Variants in TMEM163 observed in about 807,000 individuals in gnomAD.
The protein encoded by TMEM163 is transmembrane protein 163.
Under a neutral mutation model 29.3 loss-of-function variants are expected in TMEM163, and 17 were observed. The observed-to-expected ratio is 0.58, with a 90% confidence interval of 0.40 to 0.87. The LOEUF is 0.87. TMEM163 is among the 40% of genes least tolerant of loss of function. TMEM163 has a pLI of 0.00. For synonymous variants in TMEM163, 157 were observed against 160.6 expected, an observed-to-expected ratio of 0.98 and a Z score of 0.17; for missense variants, 303 against 381.5, an observed-to-expected ratio of 0.79 and a Z score of 1.71.
intron 4 of TMEM163, among the ~76,000 whole-genome samples, chr2:134,544,269 T>C (rs1373195134): frequency 1.3e-5 from 2 of 152,178 alleles, no homozygotes; most frequent in Non-Finnish European, 2.9e-5. Flanking sequence ...CATTCGGCCC[T>C]GCCAAGTTCC....
At chr2:134,502,367 T>A (rs1558924986) in intron 5 of TMEM163, among the ~76,000 whole-genome samples, 1 of 152,164 alleles carries the variant, frequency 6.6e-6, no homozygotes, top group Non-Finnish European at 1.5e-5. Flanking sequence ...GGAAAAAGAA[T>A]CAGAGTGCCG....
intron 2 of TMEM163, among the ~76,000 whole-genome samples, chr2:134,645,324 T>C (rs1443678764): frequency 6.6e-6 from 1 of 152,236 alleles, no homozygotes; most frequent in Non-Finnish European, 1.5e-5. Flanking sequence ...GCAGCTCTAC[T>C]GTGCCCAGGT....
rs56291030 is a variant in TMEM163, at chr2:134,521,003, C to CTTT, written c.459-18009_459-18007dup. On this transcript the variant is annotated intron_variant, in intron 4 of 7. Coordinates refer to ENST00000281924, the MANE Select transcript of TMEM163 (RefSeq NM_030923.5). ...CCTTATGAAGCAAGGGCCTTGGGAACTTTTTTTTTTTTTGAGAGGCAGCCT... is the reference window on the plus strand; with the variant it reads ...CCTTATGAAGCAAGGGCCTTGGGAACTTTTTTTTTTTTTTTTGAGAGGCAGCCT... 9.9e-3 allele frequency among the ~76,000 whole-genome samples: 1,452 copies of CTTT among 146,408 alleles called. 17 individuals are homozygous for CTTT. Among genetic ancestry groups the CTTT allele is most frequent in the Middle Eastern group, 0.035 (10 of 286 alleles).
chr2:134,602,851 T>C (rs2321864), intron 2 of TMEM163, among the ~76,000 whole-genome samples: 125,260 of 151,898 alleles, frequency 0.82, 52,984 homozygotes, highest in African/African-American at 0.96. Context: ...CTCCCGTCCC[T>C]CCTTCTCCCT....
At chr2:134,677,884 G>A (rs761351636) in intron 2 of TMEM163, among the ~76,000 whole-genome samples, 4 of 152,124 alleles carry the variant, frequency 2.6e-5, no homozygotes, top group Non-Finnish European at 2.9e-5. Flanking sequence ...ACATAGGACC[G>A]ACCTAATGAG....
intron 7 of TMEM163, 115 bp downstream of exon 7, chr2:134,457,917 G>A (rs1285227980): frequency 3.3e-6 from 5 of 1,517,206 alleles, no homozygotes; most frequent in Admixed American, 1.8e-5. Flanking sequence ...GCTCAGGAGG[G>A]GCACAGGTAC....
At chr2:134,615,339 G>T (rs1384429744) in intron 2 of TMEM163, among the ~76,000 whole-genome samples, 5 of 152,228 alleles carry the variant, frequency 3.3e-5, no homozygotes, top group Non-Finnish European at 7.3e-5. Flanking sequence ...AATCATTAAT[G>T]CTTTACAAAT....
chr2:134,601,454 G>A (rs927024240), intron 2 of TMEM163, among the ~76,000 whole-genome samples: 15 of 152,204 alleles, frequency 9.9e-5, no homozygotes, highest in African/African-American at 3.1e-4. Flanking sequence ...CCGGAGCCCC[G>A]GAAGCCAGTG....
Position 134,463,739 on chromosome 2 carries a change from G to A in TMEM163, c.667+2375C>T, listed in dbSNP as rs577879745. On this transcript the variant is annotated intron_variant, in intron 6 of 7. Transcript: ENST00000281924. Reference sequence around the variant, plus strand: ...AGGGCAGGATGCCTCACAGCAATAAGGCAGAAACTGGAAAGGGAGGCTCAG... The same window carrying A: ...AGGGCAGGATGCCTCACAGCAATAAAGCAGAAACTGGAAAGGGAGGCTCAG... 4.0e-4 allele frequency among the ~76,000 whole-genome samples: 61 copies of A among 152,350 alleles called. No homozygotes were observed. In the South Asian group the frequency reaches 9.7e-3, roughly 24 times the overall value.
chr2:134,477,581 T>C (rs908226506), intron 5 of TMEM163, among the ~76,000 whole-genome samples: 1 of 152,246 alleles, frequency 6.6e-6, no homozygotes, highest in Non-Finnish European at 1.5e-5. Flanking sequence ...CACCAGTGTA[T>C]AGGCTGAAGT....
At chr2:134,561,489 G>A (rs1681181984) in intron 2 of TMEM163, among the ~76,000 whole-genome samples, 1 of 151,992 alleles carries the variant, frequency 6.6e-6, no homozygotes, top group Admixed American at 6.5e-5. Flanking sequence ...TGGGACTACA[G>A]GCACCCACCA....
intron 2 of TMEM163, among the ~76,000 whole-genome samples, chr2:134,642,588 T>C (rs1421687321): frequency 2.0e-5 from 3 of 152,168 alleles, no homozygotes; most frequent in African/African-American, 7.2e-5. Flanking sequence ...AACAGTAGAA[T>C]ACACATGTGT....
intron 2 of TMEM163, among the ~76,000 whole-genome samples, chr2:134,704,777 T>C (rs559394767): frequency 1.6e-4 from 24 of 152,320 alleles, no homozygotes; most frequent in Admixed American, 1.2e-3. Context: ...TCATTATCTC[T>C]GGGCTGCTAG....
chr2:134,550,443 A>G, intron 4 of TMEM163, 127 bp downstream of exon 4: 1 of 823,226 alleles, frequency 1.2e-6, no homozygotes, highest in Non-Finnish European at 2.0e-6. Flanking sequence ...CACTCTCAGA[A>G]GCAACCTGGG....
chr2:134,703,019 A>G (rs985216668), intron 2 of TMEM163, among the ~76,000 whole-genome samples: 1 of 152,216 alleles, frequency 6.6e-6, no homozygotes, highest in Non-Finnish European at 1.5e-5. Context: ...TTTTCTATCC[A>G]GCTGTCAATC....
intron 4 of TMEM163, among the ~76,000 whole-genome samples, chr2:134,525,076 G>T (rs1465766888): frequency 1.3e-5 from 2 of 152,182 alleles, no homozygotes; most frequent in African/African-American, 2.4e-5. Flanking sequence ...TTGGCGTCAG[G>T]TGGTATTTCA....
At chr2:134,589,710 G>T (rs1681900376) in intron 2 of TMEM163, among the ~76,000 whole-genome samples, 2 of 152,214 alleles carry the variant, frequency 1.3e-5, no homozygotes, top group Non-Finnish European at 2.9e-5. Context: ...CCAACCAGCA[G>T]CCCTCAGGGC....
chr2:134,590,255 C>T (rs535041767), intron 2 of TMEM163, among the ~76,000 whole-genome samples: 2 of 152,100 alleles, frequency 1.3e-5, no homozygotes, highest in Non-Finnish European at 2.9e-5. Context: ...CCCTAGATCA[C>T]AAAGCCAGTC....
At chr2:134,660,439 C>T (rs1683721367) in intron 2 of TMEM163, among the ~76,000 whole-genome samples, 1 of 152,138 alleles carries the variant, frequency 6.6e-6, no homozygotes, top group South Asian at 2.1e-4. Context: ...TAACAGAACT[C>T]ACAAATGGAC....
Sources: gnomAD v4.1 joint callset for allele counts (sites outside exome capture counted in the v4.1 genomes callset) on GRCh38, gnomAD v4.1.1 for gene constraint, MANE v1.5 for transcripts, NCBI Gene and HGNC (gene_info 2026-07-23, HGNC 2026-07-21) for gene names.